Variants in KDM4C observed in about 807,000 individuals in gnomAD.
KDM4C encodes the protein lysine demethylase 4C, also known as lysine-specific demethylase 4C.
Under a neutral mutation model 129.3 loss-of-function variants are expected in KDM4C, and 81 were observed. The observed-to-expected ratio is 0.63, with a 90% CI of 0.52 to 0.75. KDM4C has a LOEUF of 0.75. KDM4C is among the 30% of genes least tolerant of loss of function. The probability of loss-of-function intolerance (pLI) is 0.00; values close to 1 mark genes in which losing one functional copy is unlikely to be tolerated. For missense variants in KDM4C, 1,457 were observed against 1,304.0 expected, an observed-to-expected ratio of 1.12 and a Z score of -1.81; for synonymous variants, 573 against 456.1, an observed-to-expected ratio of 1.26 and a Z score of -3.26.
chr9:7,116,673 G>A (rs1838931591), intron 18 of KDM4C, among the ~76,000 whole-genome samples: 1 of 152,158 alleles, frequency 6.6e-6, no homozygotes, highest in South Asian at 2.1e-4. Flanking sequence ...GAGTAACATT[G>A]GCGAGGTAGG....
chr9:6,892,770 G>A (rs1846286318), intron 7 of KDM4C, among the ~76,000 whole-genome samples: 1 of 152,094 alleles, frequency 6.6e-6, no homozygotes, highest in Non-Finnish European at 1.5e-5. Context: ...TAAAATATAA[G>A]AATATATAGC....
At chr9:6,925,052 A>T (rs1356959243) in intron 8 of KDM4C, 1 of 985,262 alleles carries the variant, frequency 1.0e-6, no homozygotes, top group Non-Finnish European at 1.2e-6. Flanking sequence ...ATAAGAATGA[A>T]CATTCAACGA....
intron 17 of KDM4C, among the ~76,000 whole-genome samples, chr9:7,055,253 A>G (rs8181057): frequency 0.095 from 14,396 of 152,258 alleles, 871 homozygotes; most frequent in East Asian, 0.18. Context: ...GGTGTAGCAC[A>G]GTGCCTTTGG....
At chr9:6,869,437 A>G (rs1456634128) in intron 5 of KDM4C, among the ~76,000 whole-genome samples, 3 of 152,166 alleles carry the variant, frequency 2.0e-5, no homozygotes, top group African/African-American at 7.2e-5. Flanking sequence ...AAACATGTTT[A>G]TTGTTACTGT....
chr9:7,117,875 G>A (rs1305820598), intron 18 of KDM4C, among the ~76,000 whole-genome samples: 1 of 152,188 alleles, frequency 6.6e-6, no homozygotes, highest in Non-Finnish European at 1.5e-5. Flanking sequence ...TAGCTTAGCA[G>A]TGGCCCACTA....
rs1431269228 is a variant in KDM4C, at chr9:7,119,709, T to G, written c.2611-8357T>G. Among the ~76,000 whole-genome samples, 4 of 152,188 alleles carry G rather than the reference T, an allele frequency of 2.6e-5. No individual in the cohort carries two copies. In the East Asian group the frequency reaches 7.7e-4, roughly 29 times the overall value. On this transcript the variant is annotated intron_variant, in intron 18 of 21. Transcript: ENST00000381309. Reference sequence around the variant, plus strand: ...TGTTTGTAATCTTCTGTGTTTATTTTATGCATTTGAAAACATAGTTCTGAG... The same window carrying G: ...TGTTTGTAATCTTCTGTGTTTATTTGATGCATTTGAAAACATAGTTCTGAG...
At chr9:6,841,839 C>T (rs1836982397) in intron 4 of KDM4C, among the ~76,000 whole-genome samples, 1 of 152,212 alleles carries the variant, frequency 6.6e-6, no homozygotes. Context: ...CAGACCTTCC[C>T]TGCCATTCTG....
At chr9:6,748,626 A>G (rs1817962957) in intron 1 of KDM4C, 1 of 788,038 alleles carries the variant, frequency 1.3e-6, no homozygotes. Context: ...CAATATGAAT[A>G]AATGTTCATA....
chr9:6,787,361 T>TGATCCCTC (rs1383880092), intron 1 of KDM4C, among the ~76,000 whole-genome samples: 1 of 152,222 alleles, frequency 6.6e-6, no homozygotes, highest in Non-Finnish European at 1.5e-5. Flanking sequence ...GCCTCCCTAG[T>TGATCCCTC]AGCTCGGATC....
intron 18 of KDM4C, among the ~76,000 whole-genome samples, chr9:7,109,300 G>C (rs563633788): frequency 1.3e-5 from 2 of 152,282 alleles, no homozygotes; most frequent in East Asian, 3.9e-4. Flanking sequence ...AGATGCCCTA[G>C]TTCTTAAACC....
intron 4 of KDM4C, among the ~76,000 whole-genome samples, chr9:6,844,142 T>A (rs557649458): frequency 6.6e-6 from 1 of 152,126 alleles, no homozygotes. Context: ...TACGTACTTT[T>A]AAAAAAGCTT....
chr9:6,779,514 A>T (rs1823859101), intron 1 of KDM4C, among the ~76,000 whole-genome samples: 1 of 152,164 alleles, frequency 6.6e-6, no homozygotes, highest in South Asian at 2.1e-4. Flanking sequence ...TTCCACAGCA[A>T]CTTCCTGCTC....
intron 1 of KDM4C, among the ~76,000 whole-genome samples, chr9:6,763,735 T>C (rs909540510): frequency 2.0e-5 from 3 of 152,198 alleles, no homozygotes; most frequent in Non-Finnish European, 4.4e-5. Context: ...TAATCAGTTA[T>C]TGCCCTTTTC....
At chr9:6,896,896 T>C (rs1408082245) in intron 8 of KDM4C, among the ~76,000 whole-genome samples, 4 of 152,234 alleles carry the variant, frequency 2.6e-5, no homozygotes, top group African/African-American at 9.6e-5. Flanking sequence ...GGAGCAGGAC[T>C]GGAGAGGGGG....
At chr9:6,830,120 C>T (rs1204150661) in intron 4 of KDM4C, among the ~76,000 whole-genome samples, 3 of 152,098 alleles carry the variant, frequency 2.0e-5, no homozygotes, top group Non-Finnish European at 2.9e-5. Context: ...AAACAACTTA[C>T]ATGTTACAAA....
At position 6,990,413 on chromosome 9, in the gene KDM4C, T is replaced by A; in HGVS notation, c.1678-3T>A. ...TTCTCCACCATTTTTGTTCTATAACTAGATAGCAGAGGGAGAGAACAAAAC... is the reference window on the plus strand; with the variant it reads ...TTCTCCACCATTTTTGTTCTATAACAAGATAGCAGAGGGAGAGAACAAAAC... On this transcript the variant is annotated splice_polypyrimidine_tract_variant and splice_region_variant and intron_variant, in intron 11 of 21. Transcript: ENST00000381309. 1 of 1,598,166 alleles carries A rather than the reference T, an allele frequency of 6.3e-7. No individual in the cohort carries two copies. The highest frequency in any genetic ancestry group is 1.3e-5 in the African/African-American group (1 of 74,566).
chr9:7,097,988 C>T (rs1170515988), intron 17 of KDM4C, among the ~76,000 whole-genome samples: 1 of 152,190 alleles, frequency 6.6e-6, no homozygotes, highest in Non-Finnish European at 1.5e-5. Flanking sequence ...AAAGGTGCTT[C>T]CGCAAGGATT....
intron 17 of KDM4C, among the ~76,000 whole-genome samples, chr9:7,063,974 C>G (rs542991259): frequency 7.2e-5 from 11 of 152,322 alleles, no homozygotes; most frequent in African/African-American, 2.6e-4. Flanking sequence ...GCTGTGCTGT[C>G]TGTGTGGTGA....
At chr9:7,087,988 G>A (rs1214054514) in intron 17 of KDM4C, among the ~76,000 whole-genome samples, 1 of 152,190 alleles carries the variant, frequency 6.6e-6, no homozygotes, top group East Asian at 1.9e-4. Flanking sequence ...CACTAGAATT[G>A]CTTTGAGGTA....
Sources: allele counts gnomAD v4.1 joint callset (sites outside exome capture counted in the v4.1 genomes callset), GRCh38; gene constraint gnomAD v4.1.1; transcripts MANE v1.5; gene names NCBI Gene and HGNC (gene_info 2026-07-23, HGNC 2026-07-21).